Variants in NEDD4L observed in about 807,000 individuals in gnomAD.
NEDD4L encodes E3 ubiquitin-protein ligase NEDD4-like.
In NEDD4L, 54 loss-of-function variants were observed where a neutral mutation model predicts 148.9. The observed-to-expected ratio is 0.36, with a 90% CI of 0.29 to 0.45. The LOEUF (loss-of-function observed/expected upper bound fraction) is 0.45. Ranked by LOEUF, NEDD4L falls within the 20% of genes least tolerant of loss-of-function variation. The probability of loss-of-function intolerance (pLI) is 1.00; values close to 1 mark genes in which losing one functional copy is unlikely to be tolerated. For synonymous variants in NEDD4L, 433 were observed against 440.7 expected (o/e 0.98, Z 0.22); for missense variants, 856 against 1,233.8 (o/e 0.69, Z 4.59).
At chr18:58,186,052 C>T (rs181517859) in intron 2 of NEDD4L, among the ~76,000 whole-genome samples, 20 of 151,654 alleles carry the variant, frequency 1.3e-4, no homozygotes, top group African/African-American at 1.7e-4. Flanking sequence ...TATGCACACG[C>T]GCACAGAGAA....
At chr18:58,334,145 C>G (rs894904843) in intron 12 of NEDD4L, 4 of 415,818 alleles carry the variant, frequency 9.6e-6, no homozygotes, top group Non-Finnish European at 1.7e-5. Flanking sequence ...TTTTGATTTG[C>G]TCACTTAAAC....
At position 58,275,933 on chromosome 18, in the gene NEDD4L, G is replaced by T. The variant is rs79930747; in HGVS notation, c.297+23879G>T. Reference sequence around the variant, plus strand: ...GCAGTCAGGTCCCATTTCCTAAGCGGCTCTGCAGGCCTCTAAGCTTGTCAG... The same window carrying T: ...GCAGTCAGGTCCCATTTCCTAAGCGTCTCTGCAGGCCTCTAAGCTTGTCAG... On this transcript the variant is annotated intron_variant, in intron 5 of 30. Transcript: ENST00000400345. Among the ~76,000 whole-genome samples the T allele has an allele frequency of 3.1e-3, 478 of 152,294 alleles. 8 individuals carry two copies. The highest frequency in any genetic ancestry group is 0.023 in the Admixed American group (350 of 15,300).
intron 4 of NEDD4L, 65 bp from the exon 5 acceptor site, chr18:58,251,936 G>A: frequency 2.3e-6 from 2 of 876,914 alleles, no homozygotes; most frequent in Non-Finnish European, 3.9e-6. Flanking sequence ...TATTCTTTCT[G>A]TTCCTTACGT....
At chr18:58,071,196 A>G (rs1436473935) in intron 1 of NEDD4L, among the ~76,000 whole-genome samples, 1 of 152,162 alleles carries the variant, frequency 6.6e-6, no homozygotes, top group Non-Finnish European at 1.5e-5. Context: ...ACATGAAAAT[A>G]TGCTTGTGAG....
chr18:58,306,067 A>C (rs1453171487), intron 5 of NEDD4L, among the ~76,000 whole-genome samples: 1 of 152,072 alleles, frequency 6.6e-6, no homozygotes, highest in East Asian at 1.9e-4. Flanking sequence ...GCAGGGATGG[A>C]GGGTTGTGAT....
At chr18:58,388,837 T>A in intron 27 of NEDD4L, 1 of 508,464 alleles carries the variant, frequency 2.0e-6, no homozygotes, top group South Asian at 2.2e-5. Context: ...GTGGCATTTT[T>A]ATATCCGATA....
At chr18:58,050,141 T>C (rs529407316) in intron 1 of NEDD4L, among the ~76,000 whole-genome samples, 7 of 152,160 alleles carry the variant, frequency 4.6e-5, no homozygotes, top group Non-Finnish European at 1.0e-4. Flanking sequence ...ATCAGTTTCC[T>C]TAATTTAAGG....
intron 19 of NEDD4L, among the ~76,000 whole-genome samples, chr18:58,359,017 G>A (rs1433939774): frequency 2.6e-5 from 4 of 152,070 alleles, no homozygotes; most frequent in Non-Finnish European, 5.9e-5. Flanking sequence ...TAAAAAGAAT[G>A]TGTATTGTGT....
intron 1 of NEDD4L, among the ~76,000 whole-genome samples, chr18:58,076,369 A>T (rs555028132): frequency 1.3e-5 from 2 of 152,358 alleles, no homozygotes; most frequent in East Asian, 3.9e-4. Flanking sequence ...AACTGGGTGC[A>T]GTAAAGCATA....
intron 1 of NEDD4L, among the ~76,000 whole-genome samples, chr18:58,165,401 A>G (rs1046186000): frequency 2.6e-5 from 4 of 152,224 alleles, no homozygotes; most frequent in East Asian, 1.9e-4. Flanking sequence ...AAATATGTCA[A>G]CTTCAAAGGA....
chr18:58,127,256 G>A (rs2145901997), intron 1 of NEDD4L, among the ~76,000 whole-genome samples: 1 of 152,350 alleles, frequency 6.6e-6, no homozygotes, highest in South Asian at 2.1e-4. Context: ...GTGCTCCGTA[G>A]ACACATGCGG....
chr18:58,353,243 G>A (rs934509822), intron 18 of NEDD4L, among the ~76,000 whole-genome samples: 6 of 152,200 alleles, frequency 3.9e-5, no homozygotes, highest in Admixed American at 3.9e-4. Context: ...GATCAGTTCT[G>A]CAGTTACTCC....
In NEDD4L at chr18:58,252,152, A is replaced by G. The variant is rs375186821; in HGVS notation, c.297+98A>G. 1.3e-4 allele frequency: 101 copies of G among 797,166 alleles called. 1 individual carries two copies. In the East Asian group the frequency reaches 1.7e-3, roughly 13 times the overall value. The allele number at this position is 797,166 out of a possible 1,614,324, so 49.4% of individuals were successfully genotyped here. A position where few individuals can be genotyped will look rare whatever the true frequency, so the allele number is the denominator to read the frequency against. On this transcript the variant is annotated intron_variant, in intron 5 of 30. Coordinates refer to ENST00000400345, the MANE Select transcript of NEDD4L (RefSeq NM_001144967.3). ...ACTCTGTGTTTATGTTGTACTTAGG[A>G]CAGTATATGTGCCCAAAAAGAAGAC...
intron 5 of NEDD4L, among the ~76,000 whole-genome samples, chr18:58,272,623 C>T (rs1288454651): frequency 6.7e-6 from 1 of 149,230 alleles, no homozygotes; most frequent in Non-Finnish European, 1.5e-5. Flanking sequence ...GAGCGAGACC[C>T]TGTCTCAAAG....
chr18:58,078,572 A>G (rs2083285569), intron 1 of NEDD4L, among the ~76,000 whole-genome samples: 1 of 152,216 alleles, frequency 6.6e-6, no homozygotes, highest in Admixed American at 6.5e-5. Flanking sequence ...TTGACTCCAC[A>G]GTGAATGGCT....
intron 1 of NEDD4L, among the ~76,000 whole-genome samples, chr18:58,142,032 ATTTC>A (rs1568275575): frequency 1.0e-5 from 1 of 95,340 alleles, no homozygotes; most frequent in Non-Finnish European, 2.2e-5. Context: ...GCCTTCCAAA[ATTTC>A]TTTCTTTTTT....
At chr18:58,095,529 G>A (rs767983734) in intron 1 of NEDD4L, among the ~76,000 whole-genome samples, 5 of 151,780 alleles carry the variant, frequency 3.3e-5, no homozygotes, top group Non-Finnish European at 5.9e-5. Flanking sequence ...GGCCTTGCAG[G>A]GCTCAGTCGG....
intron 24 of NEDD4L, among the ~76,000 whole-genome samples, chr18:58,379,265 C>G (rs1262206227): frequency 6.6e-6 from 1 of 152,208 alleles, no homozygotes; most frequent in Non-Finnish European, 1.5e-5. Flanking sequence ...TTTCTGCCTC[C>G]GGGATGCTGT....
intron 1 of NEDD4L, chr18:58,045,140 G>A (rs1213596523): frequency 2.3e-5 from 9 of 399,084 alleles, no homozygotes; most frequent in East Asian, 3.6e-5. Flanking sequence ...GGAGAAGCCG[G>A]ATCGTTTCCC....
Sources: gnomAD v4.1 joint callset for allele counts (sites outside exome capture counted in the v4.1 genomes callset) on GRCh38, gnomAD v4.1.1 for gene constraint, MANE v1.5 for transcripts, NCBI Gene and HGNC (gene_info 2026-07-23, HGNC 2026-07-21) for gene names.